NECTIN3: variants seen among roughly 807,000 people sequenced by gnomAD.
The protein encoded by NECTIN3 is nectin-3.
In NECTIN3, 8 loss-of-function variants were observed where a neutral mutation model predicts 49.4. The ratio of observed to expected loss-of-function variants is 0.16; its 90% CI spans 0.10 to 0.29. The LOEUF is 0.29. Among genes scored for constraint, NECTIN3 ranks in the 10% least tolerant of loss-of-function variants. The pLI is 1.00. For missense variants in NECTIN3, 581 were observed against 654.6 expected, an observed-to-expected ratio of 0.89 and a Z score of 1.23; for synonymous variants, 277 against 241.1, an observed-to-expected ratio of 1.15 and a Z score of -1.38.
chr3:111,072,161 C>T lies in NECTIN3; in HGVS notation c.144C>T (p.Leu48=), dbSNP rs774404594. 59 of 1,554,624 alleles carry T rather than the reference C, an allele frequency of 3.8e-5. No homozygotes were observed. The highest frequency in any genetic ancestry group is 1.7e-4 in the Admixed American group (9 of 51,950). The change falls in exon 1 of 6, where the codon CTC becomes CTT. Residue 48 remains leucine, a synonymous_variant. Coordinates refer to ENST00000485303, the MANE Select transcript of NECTIN3 (RefSeq NM_015480.3). Reference sequence around the variant, plus strand: ...TGCTGCTGCTCTTCCCGCTGCTGCTCTTCTCCAGGCTCTGTGGTAGGTGAA... The same window carrying T: ...TGCTGCTGCTCTTCCCGCTGCTGCTTTTCTCCAGGCTCTGTGGTAGGTGAA... ...PLLLLLFPLL[L]FSRLCGALAG...
rs912680781 is a variant in NECTIN3 at position 111,124,590 on chromosome 3, G to A, written c.918-1594G>A. ...CAAAGCCTTCTAAAGAAAAAGGTTA[G>A]GTGCTTTTGTTTTCGTTTTTTAAAC... On this transcript the variant is annotated intron_variant, in intron 4 of 5. Coordinates refer to ENST00000485303, the MANE Select transcript of NECTIN3 (RefSeq NM_015480.3). Among the ~76,000 whole-genome samples, 9 of 152,138 alleles carry A rather than the reference G, an allele frequency of 5.9e-5. No homozygotes were observed. In the East Asian group the frequency reaches 1.5e-3, roughly 26 times the overall value.
intron 3 of NECTIN3, among the ~76,000 whole-genome samples, chr3:111,120,795 T>TA (rs2033917275): frequency 6.6e-6 from 1 of 152,060 alleles, no homozygotes; most frequent in Non-Finnish European, 1.5e-5. Flanking sequence ...GGAAGCCTTT[T>TA]ATCACCTCCA....
At position 111,090,270 on chromosome 3, in the gene NECTIN3, C is replaced by T. The variant is rs540613257; in HGVS notation, c.160+18093C>T. 2.3e-4 allele frequency among the ~76,000 whole-genome samples: 35 copies of T among 152,172 alleles called. No individual in the cohort carries two copies. The South Asian group carries it at 5.2e-3, about 23-fold the overall frequency. Reference sequence around the variant, plus strand: ...TTTAGCTCTACCATCTTACATTTTGCTTTCTACTTGTCCATACGTCCTTTG... The same window carrying T: ...TTTAGCTCTACCATCTTACATTTTGTTTTCTACTTGTCCATACGTCCTTTG... On this transcript the variant is annotated intron_variant, in intron 1 of 5. Transcript: ENST00000485303.
chr3:111,183,470 C>G (rs779290982), intron 7 of NECTIN3, among the ~76,000 whole-genome samples: 54 of 152,158 alleles, frequency 3.5e-4, no homozygotes, highest in Non-Finnish European at 6.2e-4. Context: ...CGCCACCACA[C>G]CTGGCTAATT....
chr3:111,085,780 T>C (rs779554785), intron 1 of NECTIN3, among the ~76,000 whole-genome samples: 21 of 152,150 alleles, frequency 1.4e-4, no homozygotes, highest in Non-Finnish European at 2.8e-4. Flanking sequence ...TGGACAGACA[T>C]TTGGGTTATT....
At chr3:111,087,507 G>T (rs1559768805) in intron 1 of NECTIN3, among the ~76,000 whole-genome samples, 1 of 151,898 alleles carries the variant, frequency 6.6e-6, no homozygotes, top group Non-Finnish European at 1.5e-5. Flanking sequence ...ACAAAAATTA[G>T]CCTGGTGTGG....
intron 7 of NECTIN3, among the ~76,000 whole-genome samples, chr3:111,152,770 T>C (rs947179550): frequency 1.3e-5 from 2 of 151,956 alleles, no homozygotes; most frequent in African/African-American, 4.8e-5. Flanking sequence ...GTTGCTAAAC[T>C]TTGTGGTTTT....
chr3:111,134,381 A>G lies in NECTIN3; in HGVS notation c.*166A>G. 2 of 1,385,082 alleles carry G rather than the reference A, an allele frequency of 1.4e-6. No homozygotes were observed. Among genetic ancestry groups the G allele is most frequent in the Middle Eastern group, 2.7e-4 (1 of 3,764 alleles). The allele number at this position is 1,385,082 out of a possible 1,614,324, so 85.8% of individuals were successfully genotyped here. A position where few individuals can be genotyped will look rare whatever the true frequency, so the allele number is the denominator to read the frequency against. On this transcript the variant is annotated 3_prime_UTR_variant, in exon 6 of 6. Transcript: ENST00000485303. Reference sequence around the variant, plus strand: ...AAATGAAAATGTAAAATCTGAGTTCAGTGTATCTAAGCTGCTTTACAATTT... The same window carrying G: ...AAATGAAAATGTAAAATCTGAGTTCGGTGTATCTAAGCTGCTTTACAATTT...
intron 7 of NECTIN3, among the ~76,000 whole-genome samples, chr3:111,173,000 G>T (rs2035461872): frequency 6.6e-6 from 1 of 152,082 alleles, no homozygotes; most frequent in Non-Finnish European, 1.5e-5. Context: ...TTTCCTCCAA[G>T]CAACTTTCAT....
At chr3:111,189,935 G>A (rs1407733026), upstream of NECTIN3, among the ~76,000 whole-genome samples, 1 of 152,216 alleles carries the variant, frequency 6.6e-6, no homozygotes, top group Non-Finnish European at 1.5e-5. Context: ...TCACTGGAGA[G>A]GGGACAGGGA....
chr3:111,135,764 A>G lies in NECTIN3; in HGVS notation c.*1549A>G, dbSNP rs1247849071. The G allele has an allele frequency of 8.3e-6, 8 of 958,988 alleles. No individual in the cohort carries two copies. The highest frequency in any genetic ancestry group is 9.9e-6 in the Non-Finnish European group (8 of 806,242). 59.4% of individuals were successfully genotyped at this position (958,988 alleles called of 1,614,324 possible). A position where few individuals can be genotyped will look rare whatever the true frequency, so the allele number is the denominator to read the frequency against. ...TAGGGGGCAAAATTCTAACATGTTC[A>G]TGGTATCTTGCAAATAGTGAAAGCT... is the stretch of plus-strand genomic sequence containing the variant. On this transcript the variant is annotated 3_prime_UTR_variant, in exon 6 of 6. Coordinates refer to ENST00000485303, the MANE Select transcript of NECTIN3 (RefSeq NM_015480.3).
At chr3:111,123,620 G>A (rs2107473330) in intron 4 of NECTIN3, among the ~76,000 whole-genome samples, 1 of 152,166 alleles carries the variant, frequency 6.6e-6, no homozygotes, top group East Asian at 1.9e-4. Context: ...TACAGAGTTG[G>A]GAGGAATCTG....
chr3:111,183,746 G>A (rs2035669946), intron 7 of NECTIN3, among the ~76,000 whole-genome samples: 1 of 150,996 alleles, frequency 6.6e-6, no homozygotes, highest in Non-Finnish European at 1.5e-5. Flanking sequence ...TTATTTCTCT[G>A]ATTAAACTAT....
chr3:111,128,644 C>A (rs1423567613), intron 5 of NECTIN3, among the ~76,000 whole-genome samples: 1 of 152,148 alleles, frequency 6.6e-6, no homozygotes, highest in African/African-American at 2.4e-5. Context: ...CAGGATACAA[C>A]CCTTGATAGT....
intron 7 of NECTIN3, among the ~76,000 whole-genome samples, chr3:111,165,083 G>T (rs963414086): frequency 2.0e-5 from 3 of 151,814 alleles, no homozygotes; most frequent in Non-Finnish European, 4.4e-5. Flanking sequence ...GTCTCGCTCT[G>T]TCGCCCAGGC....
At chr3:111,189,026 C>T (rs2035769916), upstream of NECTIN3, among the ~76,000 whole-genome samples, 1 of 152,160 alleles carries the variant, frequency 6.6e-6, no homozygotes, top group Non-Finnish European at 1.5e-5. Context: ...ATGTTGTTAC[C>T]AGAGGCTATG....
chr3:111,144,943 G>T (rs576764089), exon 6 of NECTIN3: 1 of 1,536,280 alleles, frequency 6.5e-7, no homozygotes, highest in South Asian at 1.2e-5. Flanking sequence ...AGCTGGAGCG[G>T]TAATTGGAGC....
intron 7 of NECTIN3, among the ~76,000 whole-genome samples, chr3:111,160,053 G>A (rs563330644): frequency 1.8e-4 from 27 of 151,994 alleles, no homozygotes; most frequent in African/African-American, 5.3e-4. Flanking sequence ...GTTTATCTCC[G>A]CTCACTGGTC....
intron 4 of NECTIN3, among the ~76,000 whole-genome samples, chr3:111,125,177 C>A (rs1049580618): frequency 6.6e-6 from 1 of 151,278 alleles, no homozygotes; most frequent in Non-Finnish European, 1.5e-5. Flanking sequence ...TACAGGCACC[C>A]GCCACCATGC....
Sources: gnomAD v4.1 joint callset for allele counts (sites outside exome capture counted in the v4.1 genomes callset) on GRCh38, gnomAD v4.1.1 for gene constraint, MANE v1.5 for transcripts, NCBI Gene and HGNC (gene_info 2026-07-23, HGNC 2026-07-21) for gene names.